Variants in TRPC3 observed in about 807,000 individuals in gnomAD.
TRPC3 encodes the protein transient receptor potential cation channel subfamily C member 3.
Under a neutral mutation model 90.9 loss-of-function variants are expected in TRPC3, and 54 were observed. That is an observed-to-expected ratio of 0.59 (90% CI 0.48 to 0.75). The LOEUF is 0.75. Ranked by LOEUF, TRPC3 falls within the 30% of genes least tolerant of loss-of-function variation. The probability of loss-of-function intolerance (pLI) is 0.00; values close to 1 mark genes in which losing one functional copy is unlikely to be tolerated. For synonymous variants in TRPC3, 424 were observed against 450.9 expected, an observed-to-expected ratio of 0.94 and a Z score of 0.75; for missense variants, 918 against 1,194.5, an observed-to-expected ratio of 0.77 and a Z score of 3.41.
intron 1 of TRPC3, among the ~76,000 whole-genome samples, chr4:121,947,456 T>C (rs1730532036): frequency 6.6e-6 from 1 of 152,160 alleles, no homozygotes; most frequent in African/African-American, 2.4e-5. Flanking sequence ...GGAACATTTA[T>C]ACAAGACCAG....
intron 1 of TRPC3, among the ~76,000 whole-genome samples, chr4:121,935,709 T>C (rs1034347124): frequency 2.6e-5 from 4 of 152,096 alleles, no homozygotes; most frequent in Non-Finnish European, 5.9e-5. Flanking sequence ...GTGGAGTATA[T>C]ATGTCAGAAT....
At chr4:121,950,263 ACT>A (rs1730663598) in intron 1 of TRPC3, among the ~76,000 whole-genome samples, 1 of 152,068 alleles carries the variant, frequency 6.6e-6, no homozygotes, top group African/African-American at 2.4e-5. Flanking sequence ...CCAGGCGCAG[ACT>A]CTGCGCGCGC....
intron 1 of TRPC3, among the ~76,000 whole-genome samples, chr4:121,949,414 T>C (rs1730604715): frequency 6.6e-6 from 1 of 152,176 alleles, no homozygotes; most frequent in African/African-American, 2.4e-5. Context: ...CTCAGCATCC[T>C]GCTCAATTTT....
At position 121,932,968 on chromosome 4, in the gene TRPC3, C is replaced by T; in HGVS notation, c.290G>A (p.Gly97Asp). ...GCGGTCATTGAACATGAAGGCCGGG[C>T]CCCTGACAGCCTGGCGCCGGCCCTT... ...REKGRRQAVR[G>D]PAFMFNDRGT... The change falls in exon 2 of 12, where the codon GGC becomes GAC. Residue 97 changes from glycine (G) to aspartate (D), a missense_variant. By Grantham distance (94) the Gly-to-Asp change is moderately conservative. This residue lies in a region of TRPC3 where 609 missense variants were observed against 725.9 expected (regional missense o/e 0.84). Transcript: ENST00000379645. This position sits in a 1 kb window ranked among gnomAD's most constrained non-coding sequence, Gnocchi z 7.7. 1 of 1,612,140 alleles carries T rather than the reference C, an allele frequency of 6.2e-7. No individual in the cohort carries two copies. Among genetic ancestry groups the T allele is most frequent in the Non-Finnish European group, 8.5e-7 (1 of 1,178,878 alleles).
chr4:121,921,521 CAAAAA>C (rs536564094), intron 3 of TRPC3, among the ~76,000 whole-genome samples: 3 of 56,940 alleles, frequency 5.3e-5, no homozygotes, highest in African/African-American at 1.2e-4. Context: ...GACTCCGTCT[CAAAAA>C]AAAAAAAAAA....
intron 1 of TRPC3, among the ~76,000 whole-genome samples, chr4:121,935,422 GTGT>G (rs1560715685): frequency 1.9e-3 from 83 of 44,644 alleles, no homozygotes; most frequent in Middle Eastern, 0.021. Context: ...TGTGTGGGGT[GTGT>G]GTGTGTGTGT....
At chr4:121,925,928 A>T (rs75657467) in intron 2 of TRPC3, among the ~76,000 whole-genome samples, 5,774 of 152,346 alleles carry the variant, frequency 0.038, 162 homozygotes, top group Admixed American at 0.065. Context: ...AGTTCTTGTA[A>T]AGCCAAAACA....
intron 3 of TRPC3, among the ~76,000 whole-genome samples, chr4:121,923,100 CAGAG>C (rs10624887): frequency 2.7e-5 from 4 of 150,756 alleles, no homozygotes; most frequent in African/African-American, 9.7e-5. Flanking sequence ...GAAAGAGACA[CAGAG>C]AGAGAGAGAG....
intron 2 of TRPC3, among the ~76,000 whole-genome samples, chr4:121,925,624 C>T (rs1423753460): frequency 6.6e-6 from 1 of 152,142 alleles, no homozygotes; most frequent in Non-Finnish European, 1.5e-5. Context: ...GATCTATCTG[C>T]ACGGCACAGT....
At position 121,932,680 on chromosome 4, in the gene TRPC3, G is replaced by A. The variant is rs1729986737; in HGVS notation, c.578C>T (p.Ala193Val). The change falls in exon 2 of 12, where the codon GCC (alanine) becomes GTC (valine). Residue 193 changes from alanine to valine, a missense_variant. By Grantham distance (64) the Ala-to-Val change is moderately conservative. Coordinates refer to ENST00000379645, the MANE Select transcript of TRPC3 (RefSeq NM_001130698.2). This position sits in a 1 kb window ranked among gnomAD's most constrained non-coding sequence, Gnocchi z 7.7. ...ISKGYVRIVE[A>V]ILNHPGFAAS... ...CGCGAAGCCAGGGTGGTTGAGGATG[G>A]CCTCTACGATGCGCACGTAGCCCTT... The A allele has an allele frequency of 1.9e-6, 3 of 1,613,286 alleles. No homozygotes were observed. The highest frequency in any genetic ancestry group is 1.3e-5 in the African/African-American group (1 of 74,940).
At chr4:121,941,834 AG>A (rs1730326470) in intron 1 of TRPC3, among the ~76,000 whole-genome samples, 1 of 152,230 alleles carries the variant, frequency 6.6e-6, no homozygotes, top group Admixed American at 6.5e-5. Context: ...TATTTTTTGG[AG>A]GGGAAGAAGT....
chr4:121,932,578 C>T lies in TRPC3; in HGVS notation c.680G>A (p.Gly227Asp). The T allele has an allele frequency of 6.2e-7, 1 of 1,614,226 alleles. No individual in the cohort carries two copies. Among genetic ancestry groups the T allele is most frequent in the Non-Finnish European group, 8.5e-7 (1 of 1,180,044 alleles). The change falls in exon 2 of 12, where the codon GGC (glycine) becomes GAC (aspartate). Residue 227 changes from glycine to aspartate, a missense_variant. By Grantham distance (94) the Gly-to-Asp change is moderately conservative. This residue lies in a region of TRPC3 where 609 missense variants were observed against 725.9 expected (regional missense o/e 0.84). Coordinates refer to ENST00000379645, the MANE Select transcript of TRPC3 (RefSeq NM_001130698.2). This position sits in a 1 kb window ranked among gnomAD's most constrained non-coding sequence, Gnocchi z 7.7. Reference protein sequence around the residue: ...DDDFYAYDEDGTRFSPDITPI... With the variant: ...DDDFYAYDEDDTRFSPDITPI... ...GGTGATGTCCGGCGAGAAGCGCGTG[C>T]CGTCCTCGTCGTAAGCGTAGAAGTC...
Position 121,876,050 on chromosome 4 carries a change from C to T in TRPC3, c.*3686G>A, listed in dbSNP as rs1047702003. Among the ~76,000 whole-genome samples, 18 of 151,846 alleles carry T rather than the reference C, an allele frequency of 1.2e-4. No homozygotes were observed. Among genetic ancestry groups the T allele is most frequent in the Non-Finnish European group, 2.9e-5 (2 of 67,978 alleles). ...AGTAACTGGAACCACAGACACATGCCACCATGCCCGGCTAATTTTTTTTGT... is the reference window on the plus strand; with the variant it reads ...AGTAACTGGAACCACAGACACATGCTACCATGCCCGGCTAATTTTTTTTGT... On this transcript the variant is annotated 3_prime_UTR_variant, in exon 12 of 12. Coordinates refer to ENST00000379645, the MANE Select transcript of TRPC3 (RefSeq NM_001130698.2).
chr4:121,911,733 G>T, intron 5 of TRPC3, 144 bp downstream of exon 5: 3 of 851,902 alleles, frequency 3.5e-6, no homozygotes, highest in Non-Finnish European at 3.4e-6. Context: ...AAAATTATTT[G>T]GTTATTTTGC....
chr4:121,947,030 A>G (rs962631766), intron 1 of TRPC3, among the ~76,000 whole-genome samples: 2 of 151,768 alleles, frequency 1.3e-5, no homozygotes, highest in African/African-American at 4.8e-5. Context: ...AAAAAATTTT[A>G]CAAGTAGTCA....
rs1013406270 is a variant in TRPC3 at position 121,951,291 on chromosome 4, C to T, written c.215+175G>A. 8.5e-4 allele frequency among the ~76,000 whole-genome samples: 130 copies of T among 152,150 alleles called. No individual in the cohort carries two copies. Among genetic ancestry groups the T allele is most frequent in the Middle Eastern group, 3.4e-3 (1 of 294 alleles). The stretch of plus-strand genomic sequence containing the variant: ...CCTCCACCGCGCGGGACCGAGGGGG[C>T]GAGCCTCCGGCCGAGGTCTGTCCCC... On this transcript the variant is annotated intron_variant, in intron 1 of 11. Coordinates refer to ENST00000379645, the MANE Select transcript of TRPC3 (RefSeq NM_001130698.2). The surrounding 1 kb of genome is among the most constrained non-coding windows in gnomAD (Gnocchi z 4.4).
At chr4:121,921,245 G>A (rs1204081281) in intron 3 of TRPC3, among the ~76,000 whole-genome samples, 2 of 152,082 alleles carry the variant, frequency 1.3e-5, no homozygotes, top group African/African-American at 2.4e-5. Flanking sequence ...CTTCCTGGCC[G>A]GGCGCGGTGG....
At chr4:121,884,897 C>T (rs1303824235) in intron 10 of TRPC3, among the ~76,000 whole-genome samples, 2 of 152,160 alleles carry the variant, frequency 1.3e-5, no homozygotes, top group Non-Finnish European at 2.9e-5. Flanking sequence ...TCCAGTGAAA[C>T]TTCATATTGA....
intron 10 of TRPC3, among the ~76,000 whole-genome samples, chr4:121,887,661 A>G (rs189620901): frequency 1.6e-4 from 24 of 152,340 alleles, no homozygotes; most frequent in Admixed American, 3.3e-4. Flanking sequence ...GTGAAAGCAG[A>G]TCTGCCAGCA....
Sources: gnomAD v4.1 joint callset for allele counts (sites outside exome capture counted in the v4.1 genomes callset) on GRCh38, gnomAD v4.1.1 for gene constraint, gnomAD v4.1.1 regional missense constraint, Gnocchi (gnomAD v3.1) non-coding constraint, MANE v1.5 for transcripts, NCBI Gene and HGNC (gene_info 2026-07-23, HGNC 2026-07-21) for gene names.